Variants in ADGRL3 observed in about 807,000 individuals in gnomAD.
ADGRL3 encodes the protein adhesion G protein-coupled receptor L3.
Under a neutral mutation model 153.5 loss-of-function variants are expected in ADGRL3, and 62 were observed. The ratio of observed to expected loss-of-function variants is 0.40; its 90% CI spans 0.33 to 0.50. The LOEUF is 0.50. ADGRL3 is among the 20% of genes least tolerant of loss of function. The pLI is 0.47. For synonymous variants in ADGRL3, 710 were observed against 672.5 expected (o/e 1.06, Z -0.86); for missense variants, 1,641 against 1,859.4 (o/e 0.88, Z 2.16).
chr4:61,815,238 T>A (rs543610100), intron 9 of ADGRL3, among the ~76,000 whole-genome samples: 15 of 152,298 alleles, frequency 9.8e-5, no homozygotes, highest in Non-Finnish European at 2.1e-4. Context: ...ACTAGAGAGA[T>A]GTAACGAGGC....
chr4:61,890,811 T>C (rs1166659853), intron 9 of ADGRL3, among the ~76,000 whole-genome samples: 1 of 152,178 alleles, frequency 6.6e-6, no homozygotes, highest in Non-Finnish European at 1.5e-5. Context: ...TAGCACAAAA[T>C]GTTCTTACAT....
At chr4:61,403,953 C>T (rs761504342) in intron 2 of ADGRL3, among the ~76,000 whole-genome samples, 19 of 151,940 alleles carry the variant, frequency 1.3e-4, no homozygotes, top group East Asian at 1.9e-4. Flanking sequence ...CAACCCTTAT[C>T]GTCTTATTTA....
At chr4:61,709,008 C>T (rs991411015) in intron 6 of ADGRL3, among the ~76,000 whole-genome samples, 2 of 151,940 alleles carry the variant, frequency 1.3e-5, no homozygotes, top group Non-Finnish European at 2.9e-5. Context: ...CAATGTCTCA[C>T]CATGTTGGCC....
At chr4:61,910,595 G>A (rs936165133) in intron 12 of ADGRL3, among the ~76,000 whole-genome samples, 1 of 151,780 alleles carries the variant, frequency 6.6e-6, no homozygotes, top group South Asian at 2.1e-4. Context: ...TCCCTGACTG[G>A]CATTTGTGTA....
intron 8 of ADGRL3, among the ~76,000 whole-genome samples, chr4:61,794,806 G>A (rs1231816622): frequency 6.6e-6 from 1 of 152,174 alleles, no homozygotes; most frequent in Admixed American, 6.5e-5. Context: ...TAAACCATTA[G>A]GTGGTGGCTC....
In ADGRL3 at chr4:62,075,698, C is replaced by A. The variant is rs1746921856; in HGVS notation, c.*4790C>A. The A allele has an allele frequency of 6.6e-6, 1 of 152,024 alleles. No individual in the cohort carries two copies. The highest frequency in any genetic ancestry group is 2.4e-5 in the African/African-American group (1 of 41,376). The allele number at this position is 152,024 out of a possible 1,614,324, so 9.4% of individuals were successfully genotyped here. ...ACATCATTAAATTACGAAGATGGCA[C>A]AAAAGCAAAGCAGCAACATTGCACA... On this transcript the variant is annotated 3_prime_UTR_variant, in exon 27 of 27. Coordinates refer to ENST00000683033, the MANE Select transcript of ADGRL3 (RefSeq NM_001387552.1).
intron 1 of ADGRL3, among the ~76,000 whole-genome samples, chr4:61,233,561 CAA>C (rs1433969537): frequency 6.6e-6 from 1 of 151,946 alleles, no homozygotes; most frequent in African/African-American, 2.4e-5. Context: ...GACATTTGAA[CAA>C]AGAGTTGAAG....
chr4:61,258,502 GC>G (rs1372996990), intron 1 of ADGRL3, among the ~76,000 whole-genome samples: 4 of 152,158 alleles, frequency 2.6e-5, no homozygotes, highest in Non-Finnish European at 5.9e-5. Flanking sequence ...TTGTAGAAGG[GC>G]ACTGCAAATA....
At chr4:62,058,019 A>G (rs76867552) in intron 25 of ADGRL3, among the ~76,000 whole-genome samples, 3,969 of 152,212 alleles carry the variant, frequency 0.026, 183 homozygotes, top group African/African-American at 0.092. Flanking sequence ...ATAATTTTCC[A>G]TGGCTTTATT....
intron 3 of ADGRL3, among the ~76,000 whole-genome samples, chr4:61,501,995 C>A (rs2098391583): frequency 6.6e-6 from 1 of 152,090 alleles, no homozygotes; most frequent in South Asian, 2.1e-4. Flanking sequence ...TGAGACCTGG[C>A]AGAAGTAAAG....
chr4:61,256,063 A>G (rs1033255092), intron 1 of ADGRL3, among the ~76,000 whole-genome samples: 1 of 152,166 alleles, frequency 6.6e-6, no homozygotes, highest in Non-Finnish European at 1.5e-5. Flanking sequence ...TATGGTCTTT[A>G]GTCAAAGGGT....
intron 16 of ADGRL3, 92 bp downstream of exon 16, chr4:61,947,214 T>C: frequency 9.4e-7 from 1 of 1,059,318 alleles, no homozygotes; most frequent in Middle Eastern, 2.9e-4. Flanking sequence ...TTAATGTTTT[T>C]TCTATTTGAC....
At chr4:61,402,401 T>C (rs1027691687) in intron 2 of ADGRL3, among the ~76,000 whole-genome samples, 3 of 152,168 alleles carry the variant, frequency 2.0e-5, no homozygotes, top group Non-Finnish European at 2.9e-5. Context: ...GAAATTATAA[T>C]GCTGTCATCT....
chr4:61,473,009 A>C (rs898997735), intron 2 of ADGRL3, among the ~76,000 whole-genome samples: 8 of 152,184 alleles, frequency 5.3e-5, no homozygotes, highest in African/African-American at 1.7e-4. Flanking sequence ...AAATTAAGTA[A>C]ATTGAAAACT....
chr4:61,689,085 A>G (rs1379997741), intron 6 of ADGRL3, among the ~76,000 whole-genome samples: 1 of 152,128 alleles, frequency 6.6e-6, no homozygotes, highest in Non-Finnish European at 1.5e-5. Flanking sequence ...TCACTGGGTT[A>G]TTTTGTCACT....
intron 6 of ADGRL3, among the ~76,000 whole-genome samples, chr4:61,702,199 G>C (rs1171353239): frequency 1.3e-5 from 2 of 152,090 alleles, no homozygotes; most frequent in African/African-American, 2.4e-5. Context: ...ATGCTTTCTA[G>C]ATGTCATTTC....
At chr4:61,886,149 T>C (rs2098537495) in intron 9 of ADGRL3, among the ~76,000 whole-genome samples, 1 of 152,142 alleles carries the variant, frequency 6.6e-6, no homozygotes, top group African/African-American at 2.4e-5. Flanking sequence ...GAGCCAAGTA[T>C]TAAAATGAAT....
intron 3 of ADGRL3, among the ~76,000 whole-genome samples, chr4:61,509,284 C>T (rs1454082804): frequency 6.6e-6 from 1 of 152,050 alleles, no homozygotes; most frequent in Non-Finnish European, 1.5e-5. Context: ...CCCGCCACCA[C>T]TCCCATCTAA....
chr4:61,496,596 C>T (rs2098320120), intron 2 of ADGRL3, among the ~76,000 whole-genome samples: 1 of 151,078 alleles, frequency 6.6e-6, no homozygotes, highest in Non-Finnish European at 1.5e-5. Flanking sequence ...GAGCCGAGAT[C>T]GTGCCATTGC....
Sources: gnomAD v4.1 joint callset for allele counts (sites outside exome capture counted in the v4.1 genomes callset) on GRCh38, gnomAD v4.1.1 for gene constraint, MANE v1.5 for transcripts, NCBI Gene and HGNC (gene_info 2026-07-23, HGNC 2026-07-21) for gene names.